P4HA3: variants seen among roughly 807,000 people sequenced by gnomAD.
P4HA3 encodes the protein prolyl 4-hydroxylase subunit alpha-3.
Under a neutral mutation model 66.7 loss-of-function variants are expected in P4HA3, and 60 were observed. The observed-to-expected ratio is 0.90, with a 90% CI of 0.73 to 1.12. The LOEUF is 1.12. Among genes scored for constraint, P4HA3 ranks in the 50% most tolerant of loss-of-function variants. P4HA3 has a pLI of 0.00. For synonymous variants in P4HA3, 263 were observed against 274.6 expected (o/e 0.96, Z 0.42); for missense variants, 683 against 685.8 (o/e 1.00, Z 0.05).
At chr11:74,305,265 A>G (rs917492602) in intron 1 of P4HA3, among the ~76,000 whole-genome samples, 32 of 152,140 alleles carry the variant, frequency 2.1e-4, no homozygotes, top group Non-Finnish European at 7.3e-5. Context: ...AAGAGATGGC[A>G]TGTGATCTGA....
chr11:74,293,856 C>A lies in P4HA3; in HGVS notation c.717+4356G>T, dbSNP rs543992582. ...GGCTTCCCTTTGTGGGTAACCCGAC[C>A]TTTCTCTCTGGCTGCCCTTAACATT... On this transcript the variant is annotated intron_variant, in intron 4 of 12. Transcript: ENST00000331597. Among the ~76,000 whole-genome samples, 3 of 152,330 alleles carry A rather than the reference C, an allele frequency of 2.0e-5. No homozygotes were observed. The East Asian group carries it at 5.8e-4, about 29-fold the overall frequency.
intron 7 of P4HA3, among the ~76,000 whole-genome samples, chr11:74,280,912 A>G (rs1203442505): frequency 2.0e-5 from 3 of 152,172 alleles, no homozygotes; most frequent in African/African-American, 7.2e-5. Context: ...CTGCACAGCA[A>G]AAGAAACTAC....
At chr11:74,280,653 G>C (rs1301630273) in intron 7 of P4HA3, among the ~76,000 whole-genome samples, 3 of 152,156 alleles carry the variant, frequency 2.0e-5, no homozygotes, top group African/African-American at 4.8e-5. Context: ...GGTGGAGTAG[G>C]TGCTTAGTAC....
rs372304277 is a variant in P4HA3, at chr11:74,267,296, C to T, written c.1587G>A (p.Glu529=). 6.2e-6 allele frequency: 10 copies of T among 1,614,104 alleles called. No homozygotes were observed. The African/African-American group carries it at 8.0e-5, about 13-fold the overall frequency. Residue 529 remains glutamate (E), a synonymous_variant, in exon 13 of 13, where the codon GAG becomes GAA. Coordinates refer to ENST00000331597, the MANE Select transcript of P4HA3 (RefSeq NM_182904.5). ...DKWVANKWIH[E]YGQEFRRPCS... is the part of the protein sequence containing the mutation. Reference sequence around the variant, plus strand: ...AGGGTCTGCGGAATTCCTGTCCATACTCATGTATCCACTTGTTGGCCACTG... The same window carrying T: ...AGGGTCTGCGGAATTCCTGTCCATATTCATGTATCCACTTGTTGGCCACTG...
At chr11:74,271,970 T>C (rs1860217076) in intron 10 of P4HA3, among the ~76,000 whole-genome samples, 1 of 151,336 alleles carries the variant, frequency 6.6e-6, no homozygotes, top group Admixed American at 6.6e-5. Context: ...CTTTCCAGAG[T>C]GACATCCCTC....
downstream of P4HA3, among the ~76,000 whole-genome samples, chr11:74,264,564 C>T (rs1045292615): frequency 6.6e-6 from 1 of 152,128 alleles, no homozygotes; most frequent in African/African-American, 2.4e-5. Flanking sequence ...GGGGCAGGGT[C>T]AGCATCTAAT....
Position 74,311,398 on chromosome 11 carries a change from C to G in P4HA3, c.200+14G>C, listed in dbSNP as rs1486721504. The G allele has an allele frequency of 6.7e-7, 1 of 1,491,842 alleles. No individual in the cohort carries two copies. Among genetic ancestry groups the G allele is most frequent in the Non-Finnish European group, 8.9e-7 (1 of 1,128,658 alleles). 92.4% of individuals were successfully genotyped at this position (1,491,842 alleles called of 1,614,324 possible). On this transcript the variant is annotated intron_variant, in intron 1 of 12. Coordinates refer to ENST00000331597, the MANE Select transcript of P4HA3 (RefSeq NM_182904.5). ...CTGAGGCCCCTCGGTCGCTCCCACT[C>G]GTCGTGCCCTCACCTAGTCAGGTCC...
intron 15 of P4HA3, chr11:74,253,344 G>A (rs1011944142): frequency 2.6e-6 from 2 of 762,116 alleles, no homozygotes; most frequent in African/African-American, 1.7e-5. Flanking sequence ...GCAGACCCTG[G>A]GTCCAGCTCT....
intron 15 of P4HA3, among the ~76,000 whole-genome samples, chr11:74,256,270 G>T (rs749240774): frequency 2.0e-5 from 3 of 152,194 alleles, no homozygotes; most frequent in Non-Finnish European, 4.4e-5. Context: ...GAGGATGACC[G>T]TGGAGATGAA....
downstream of P4HA3, among the ~76,000 whole-genome samples, chr11:74,265,562 G>T (rs186670619): frequency 2.5e-3 from 382 of 152,256 alleles, 3 homozygotes; most frequent in African/African-American, 8.6e-3. Flanking sequence ...ATGTTCTCTT[G>T]GCACAAGTGC....
chr11:74,279,027 A>G lies in P4HA3; in HGVS notation c.1175+361T>C, dbSNP rs536324158. Among the ~76,000 whole-genome samples, 26 of 152,342 alleles carry G rather than the reference A, an allele frequency of 1.7e-4. No individual in the cohort carries two copies. In the South Asian group the frequency reaches 5.4e-3, roughly 32 times the overall value. ...TCATTCTTGGCAAGTCATGCTTTCAATATGAGTCAGGAGGTGGGAATGGAA... is the reference window on the plus strand; with the variant it reads ...TCATTCTTGGCAAGTCATGCTTTCAGTATGAGTCAGGAGGTGGGAATGGAA... On this transcript the variant is annotated intron_variant, in intron 8 of 12. Coordinates refer to ENST00000331597, the MANE Select transcript of P4HA3 (RefSeq NM_182904.5).
intron 15 of P4HA3, among the ~76,000 whole-genome samples, chr11:74,252,908 T>C (rs1859740190): frequency 6.6e-6 from 1 of 152,152 alleles, no homozygotes; most frequent in Non-Finnish European, 1.5e-5. Context: ...CTCAGCCAGC[T>C]CCTAGTCTGT....
Position 74,289,296 on chromosome 11 carries a change from C to A in P4HA3, c.718-166G>T, listed in dbSNP as rs961288942. Among the ~76,000 whole-genome samples, 18 of 152,132 alleles carry A rather than the reference C, an allele frequency of 1.2e-4. No individual in the cohort carries two copies. In the South Asian group the frequency reaches 3.7e-3, roughly 32 times the overall value. The stretch of plus-strand genomic sequence containing the variant: ...GACCAGAAATGCAGAGGATCTGTGG[C>A]CTCACTGCAAATCAGGTCTCACCAG... On this transcript the variant is annotated intron_variant, in intron 4 of 12. Coordinates refer to ENST00000331597, the MANE Select transcript of P4HA3 (RefSeq NM_182904.5).
At chr11:74,254,747 T>TA (rs1859790644) in intron 15 of P4HA3, 1 of 152,782 alleles carries the variant, frequency 6.5e-6, no homozygotes, top group Non-Finnish European at 1.5e-5. Flanking sequence ...TTTCTGCTGA[T>TA]ATGGGGGCAG....
At chr11:74,271,651 C>T (rs991599163) in intron 10 of P4HA3, among the ~76,000 whole-genome samples, 3 of 152,004 alleles carry the variant, frequency 2.0e-5, no homozygotes, top group Non-Finnish European at 4.4e-5. Context: ...TGCACACCAC[C>T]GCACCCAGAT....
chr11:74,256,953 G>A (rs1859840838), intron 15 of P4HA3, among the ~76,000 whole-genome samples: 1 of 152,070 alleles, frequency 6.6e-6, no homozygotes, highest in Admixed American at 6.5e-5. Context: ...CACCCAATAT[G>A]TGCCAGGCAT....
intron 4 of P4HA3, among the ~76,000 whole-genome samples, chr11:74,293,547 G>A (rs1861109236): frequency 6.6e-6 from 1 of 152,168 alleles, no homozygotes; most frequent in African/African-American, 2.4e-5. Flanking sequence ...AGCCTCGATG[G>A]TCTTTACAAT....
At chr11:74,251,332 C>T (rs1480986246) in intron 15 of P4HA3, 1 of 1,358,194 alleles carries the variant, frequency 7.4e-7, no homozygotes. Flanking sequence ...AGAAACTGCT[C>T]CCTAAACCAC....
At chr11:74,311,070 A>C (rs1861725775) in intron 1 of P4HA3, among the ~76,000 whole-genome samples, 1 of 151,978 alleles carries the variant, frequency 6.6e-6, no homozygotes, top group South Asian at 2.1e-4. Flanking sequence ...CCGCTCTTCC[A>C]CAGTGTATCA....
Sources: allele counts gnomAD v4.1 joint callset (sites outside exome capture counted in the v4.1 genomes callset), GRCh38; gene constraint gnomAD v4.1.1; transcripts MANE v1.5; gene names NCBI Gene and HGNC (gene_info 2026-07-23, HGNC 2026-07-21).